The following CSMD1 variants were observed in gnomAD, a reference collection of about 807,000 sequenced individuals.
CSMD1 encodes CUB and sushi domain-containing protein 1.
CSMD1 carries 213 observed loss-of-function variants against 417.5 expected under a neutral mutation model. The ratio of observed to expected loss-of-function variants is 0.51; its 90% CI spans 0.46 to 0.57. The LOEUF is 0.57. Ranked by LOEUF, CSMD1 falls within the 20% of genes least tolerant of loss-of-function variation. The pLI is 0.00. For missense variants in CSMD1, 6,923 were observed against 4,529.7 expected, an observed-to-expected ratio of 1.53 and a Z score of -15.17; for synonymous variants, 2,862 against 1,736.8, an observed-to-expected ratio of 1.65 and a Z score of -16.11.
At chr8:3,753,556 G>T (rs1196212868) in intron 6 of CSMD1, among the ~76,000 whole-genome samples, 1 of 152,150 alleles carries the variant, frequency 6.6e-6, no homozygotes, top group East Asian at 1.9e-4. Context: ...AATACTTTTT[G>T]TGCATTTTCA....
In CSMD1 at chr8:3,523,985, ACACC is replaced by A. The variant is rs547802099; in HGVS notation, c.1345-30263_1345-30260del. The stretch of plus-strand genomic sequence containing the variant: ...CACTTACACATGCACACACACATGC[ACACC>A]CAGAGACACATATGCACACATGTGC... On this transcript the variant is annotated intron_variant, in intron 10 of 69. Transcript: ENST00000635120. Among the ~76,000 whole-genome samples, 30 of 151,240 alleles carry A rather than the reference ACACC, an allele frequency of 2.0e-4. No homozygotes were observed. In the East Asian group the frequency reaches 3.1e-3, roughly 16 times the overall value.
intron 1 of CSMD1, among the ~76,000 whole-genome samples, chr8:4,870,808 G>C (rs1802692121): frequency 6.6e-6 from 1 of 152,152 alleles, no homozygotes; most frequent in South Asian, 2.1e-4. Context: ...GAGGAAGAAA[G>C]AGCGAGGAGT....
chr8:4,393,974 G>T (rs1804034217), intron 3 of CSMD1, among the ~76,000 whole-genome samples: 1 of 152,150 alleles, frequency 6.6e-6, no homozygotes, highest in Non-Finnish European at 1.5e-5. Flanking sequence ...TATGCCATTT[G>T]CCAATTTGCT....
At chr8:3,434,897 C>G (rs1420558411) in intron 12 of CSMD1, among the ~76,000 whole-genome samples, 1 of 152,222 alleles carries the variant, frequency 6.6e-6, no homozygotes, top group African/African-American at 2.4e-5. Flanking sequence ...ATCGGGAATA[C>G]TTGTGATTGG....
intron 3 of CSMD1, among the ~76,000 whole-genome samples, chr8:4,293,975 T>C (rs1241404466): frequency 1.3e-5 from 2 of 151,956 alleles, no homozygotes; most frequent in East Asian, 1.9e-4. Flanking sequence ...CTGGTGCTTT[T>C]TGAACTTACC....
In CSMD1 at chr8:3,671,448, T is replaced by A. The variant is rs560335865; in HGVS notation, c.1009+36966A>T. ...CTATATATATAGTCACATATAATCA[T>A]ATATATAATCATACACATATAATCA... On this transcript the variant is annotated intron_variant, in intron 7 of 69. Coordinates refer to ENST00000635120, the MANE Select transcript of CSMD1 (RefSeq NM_033225.6). Among the ~76,000 whole-genome samples the A allele has an allele frequency of 1.8e-4, 26 of 144,702 alleles. 5 individuals carry two copies. Among genetic ancestry groups the A allele is most frequent in the Non-Finnish European group, 2.9e-4 (19 of 66,450 alleles). 94.9% of individuals were successfully genotyped at this position (144,702 alleles called of 152,430 possible). A position where few individuals can be genotyped will look rare whatever the true frequency, so the allele number is the denominator to read the frequency against.
At chr8:4,402,836 T>TTTTGTG in intron 3 of CSMD1, among the ~76,000 whole-genome samples, 1 of 136,658 alleles carries the variant, frequency 7.3e-6, no homozygotes, top group African/African-American at 2.8e-5. Flanking sequence ...TTTTTTTTTT[T>TTTTGTG]TGGAGACAGA....
chr8:3,749,142 T>C (rs1275511036), intron 6 of CSMD1, among the ~76,000 whole-genome samples: 2 of 152,086 alleles, frequency 1.3e-5, no homozygotes, highest in Non-Finnish European at 2.9e-5. Context: ...ACTGAAAACG[T>C]CTAGATGATG....
chr8:4,772,128 C>G (rs6558917), intron 1 of CSMD1, among the ~76,000 whole-genome samples: 1 of 152,148 alleles, frequency 6.6e-6, no homozygotes, highest in African/African-American at 2.4e-5. Context: ...TTGGGTCCAC[C>G]GAGAGCAGAA....
intron 10 of CSMD1, among the ~76,000 whole-genome samples, chr8:3,532,286 T>G (rs1798015800): frequency 1.3e-5 from 2 of 152,150 alleles, no homozygotes; most frequent in Admixed American, 1.3e-4. Flanking sequence ...TGATTCTGCA[T>G]GGTGTCACTG....
At chr8:4,363,494 A>G (rs945274696) in intron 3 of CSMD1, among the ~76,000 whole-genome samples, 2 of 152,128 alleles carry the variant, frequency 1.3e-5, no homozygotes, top group Admixed American at 6.5e-5. Context: ...GAGGAGGAAA[A>G]GCATACTTTT....
At chr8:3,304,059 T>G (rs1804621732) in intron 25 of CSMD1, among the ~76,000 whole-genome samples, 1 of 152,146 alleles carries the variant, frequency 6.6e-6, no homozygotes, top group Non-Finnish European at 1.5e-5. Flanking sequence ...CTGCAATAAT[T>G]GGCCTAAAGT....
chr8:4,068,617 T>A (rs1163156877), intron 3 of CSMD1, among the ~76,000 whole-genome samples: 1 of 152,164 alleles, frequency 6.6e-6, no homozygotes, highest in South Asian at 2.1e-4. Context: ...ATCTAGTTCA[T>A]ATAATGTTAC....
chr8:4,089,380 G>C (rs984598121), intron 3 of CSMD1, among the ~76,000 whole-genome samples: 6 of 152,142 alleles, frequency 3.9e-5, no homozygotes, highest in Admixed American at 3.3e-4. Context: ...ATTTTCAGAG[G>C]TTCTCTGAGA....
intron 1 of CSMD1, among the ~76,000 whole-genome samples, chr8:4,838,717 T>C (rs1024319383): frequency 6.6e-6 from 1 of 152,144 alleles, no homozygotes; most frequent in Non-Finnish European, 1.5e-5. Flanking sequence ...TGCCCAAGCC[T>C]CCCTTGTTTC....
chr8:4,911,736 G>A (rs919405506), intron 1 of CSMD1, among the ~76,000 whole-genome samples: 29 of 152,080 alleles, frequency 1.9e-4, no homozygotes, highest in African/African-American at 6.0e-4. Context: ...GCAAGGGACT[G>A]GTAAATCACG....
At chr8:3,566,880 C>T (rs1347581117) in intron 10 of CSMD1, among the ~76,000 whole-genome samples, 3 of 152,170 alleles carry the variant, frequency 2.0e-5, no homozygotes, top group African/African-American at 7.2e-5. Flanking sequence ...TGATTCCTGA[C>T]ATCTAAAGAC....
intron 5 of CSMD1, among the ~76,000 whole-genome samples, chr8:3,972,614 C>G (rs145775937): frequency 2.0e-5 from 3 of 152,154 alleles, no homozygotes; most frequent in African/African-American, 4.8e-5. Flanking sequence ...TAATGTACTA[C>G]TAAGCCATTT....
intron 46 of CSMD1, among the ~76,000 whole-genome samples, chr8:3,103,860 C>T (rs1002509066): frequency 6.6e-6 from 1 of 152,126 alleles, no homozygotes; most frequent in Non-Finnish European, 1.5e-5. Flanking sequence ...TCTCCTGCCT[C>T]AGCCTCCCAA....
Sources: gnomAD v4.1 joint callset for allele counts (sites outside exome capture counted in the v4.1 genomes callset) on GRCh38, gnomAD v4.1.1 for gene constraint, MANE v1.5 for transcripts, NCBI Gene and HGNC (gene_info 2026-07-23, HGNC 2026-07-21) for gene names.